The following ROBO2 variants were observed in gnomAD, a reference collection of about 807,000 sequenced individuals.
ROBO2 encodes the protein roundabout guidance receptor 2.
Under a neutral mutation model 160.8 loss-of-function variants are expected in ROBO2, and 53 were observed. The observed-to-expected ratio is 0.33, with a 90% CI of 0.26 to 0.41. The LOEUF is 0.41. ROBO2 is among the 10% of genes least tolerant of loss of function. The pLI, the probability that ROBO2 is intolerant of heterozygous loss-of-function variation, is 1.00. For synonymous variants in ROBO2, 664 were observed against 611.7 expected, an observed-to-expected ratio of 1.09 and a Z score of -1.26; for missense variants, 1,577 against 1,722.4, an observed-to-expected ratio of 0.92 and a Z score of 1.49.
intron 2 of ROBO2, among the ~76,000 whole-genome samples, chr3:76,046,290 G>T (rs1372512975): frequency 6.6e-6 from 1 of 151,956 alleles, no homozygotes; most frequent in Non-Finnish European, 1.5e-5. Context: ...TGGCCTGGAG[G>T]AAACGAAGCC....
intron 2 of ROBO2, among the ~76,000 whole-genome samples, chr3:76,219,742 G>C (rs1301042870): frequency 6.6e-6 from 1 of 152,204 alleles, no homozygotes; most frequent in Non-Finnish European, 1.5e-5. Context: ...CTGTAAACTA[G>C]TTCAACCATT....
chr3:77,622,452 A>T lies in ROBO2; in HGVS notation c.3760+20A>T. On this transcript the variant is annotated intron_variant, in intron 23 of 25. Transcript: ENST00000461745. ...TGACAGGTAACGGAACCAATTTAAT[A>T]GGAAAAACTGACCTATTGGTAACAT... The T allele has an allele frequency of 6.2e-7, 1 of 1,609,416 alleles. No homozygotes were observed. The highest frequency in any genetic ancestry group is 8.5e-7 in the Non-Finnish European group (1 of 1,175,958).
intron 2 of ROBO2, among the ~76,000 whole-genome samples, chr3:76,537,541 C>T (rs1008756633): frequency 1.3e-5 from 2 of 151,982 alleles, no homozygotes; most frequent in Admixed American, 6.6e-5. Context: ...ACCACTTACC[C>T]GATTTGAAAT....
Position 76,185,195 on chromosome 3 carries a change from GATATAT to G in ROBO2, c.109+247609_109+247614del, listed in dbSNP as rs1219580267. Among the ~76,000 whole-genome samples, 27 of 44,526 alleles carry G rather than the reference GATATAT, an allele frequency of 6.1e-4. 3 individuals carry two copies. In the South Asian group the frequency reaches 8.6e-3, roughly 14 times the overall value. 29.2% of individuals were successfully genotyped at this position (44,526 alleles called of 152,430 possible). On this transcript the variant is annotated intron_variant, in intron 2 of 26. Transcript: ENST00000487694. ...TTCTAGGCTTCTATAAGTAAACACA[GATATAT>G]ATATATATATATATACACACACAAA...
At chr3:76,403,834 A>G (rs185063293) in intron 2 of ROBO2, among the ~76,000 whole-genome samples, 1 of 151,736 alleles carries the variant, frequency 6.6e-6, no homozygotes, top group East Asian at 1.9e-4. Flanking sequence ...GCTCTGAGAA[A>G]ATGTATACGC....
At chr3:76,555,425 G>GAGGAAGAA in intron 2 of ROBO2, among the ~76,000 whole-genome samples, 1 of 68,542 alleles carries the variant, frequency 1.5e-5, no homozygotes. Flanking sequence ...AAGAAAGAAG[G>GAGGAAGAA]AGAAGGGGAA....
At chr3:76,179,974 A>G (rs1210853982) in intron 2 of ROBO2, among the ~76,000 whole-genome samples, 1 of 152,274 alleles carries the variant, frequency 6.6e-6, no homozygotes, top group Non-Finnish European at 1.5e-5. Context: ...TATGATAAAA[A>G]TGCTTGGAAG....
exon 13 of ROBO2, chr3:77,568,325 C>A: frequency 6.2e-7 from 1 of 1,612,718 alleles, no homozygotes; most frequent in Non-Finnish European, 8.5e-7. Flanking sequence ...ATCAGCCCAC[C>A]AGCACAAGGA....
At chr3:76,317,885 G>T (rs533001065) in intron 2 of ROBO2, among the ~76,000 whole-genome samples, 1 of 151,828 alleles carries the variant, frequency 6.6e-6, no homozygotes, top group Non-Finnish European at 1.5e-5. Context: ...TGAAAAAAAT[G>T]GTGCTTGAGA....
intron 2 of ROBO2, among the ~76,000 whole-genome samples, chr3:76,264,891 C>A (rs1707003895): frequency 6.6e-6 from 1 of 152,192 alleles, no homozygotes; most frequent in Admixed American, 6.5e-5. Context: ...GTTGCCACCT[C>A]ACTTGCCTTA....
chr3:75,972,220 A>G (rs1200063834), intron 2 of ROBO2, among the ~76,000 whole-genome samples: 2 of 151,732 alleles, frequency 1.3e-5, no homozygotes, highest in African/African-American at 2.4e-5. Context: ...TAAGAGAGTT[A>G]TGAAATATGC....
intron 23 of ROBO2, among the ~76,000 whole-genome samples, chr3:77,624,504 A>G (rs555248912): frequency 6.6e-6 from 1 of 152,270 alleles, no homozygotes; most frequent in Admixed American, 6.5e-5. Context: ...GTAGATGTAT[A>G]TAGAGACTGA....
intron 2 of ROBO2, among the ~76,000 whole-genome samples, chr3:76,898,140 C>T (rs1027093630): frequency 2.6e-5 from 4 of 152,020 alleles, no homozygotes; most frequent in South Asian, 2.1e-4. Flanking sequence ...TGCTTTGGTG[C>T]ACTTTATTAT....
intron 2 of ROBO2, among the ~76,000 whole-genome samples, chr3:76,676,631 G>A (rs771947843): frequency 6.6e-6 from 1 of 151,940 alleles, no homozygotes; most frequent in African/African-American, 2.4e-5. Context: ...TCAGATTTCA[G>A]CCTTCTCTTC....
intron 2 of ROBO2, among the ~76,000 whole-genome samples, chr3:76,568,628 T>A (rs2108574892): frequency 6.6e-6 from 1 of 152,140 alleles, no homozygotes; most frequent in South Asian, 2.1e-4. Flanking sequence ...TTAAAGAAGG[T>A]TTTTATTTCA....
intron 2 of ROBO2, among the ~76,000 whole-genome samples, chr3:77,012,023 G>A (rs902673355): frequency 2.8e-4 from 43 of 151,970 alleles, no homozygotes; most frequent in African/African-American, 9.4e-4. Context: ...ATGTTCATTT[G>A]AATATATTTA....
chr3:76,217,048 T>C (rs928541146), intron 2 of ROBO2, among the ~76,000 whole-genome samples: 36 of 152,240 alleles, frequency 2.4e-4, no homozygotes, highest in Admixed American at 5.9e-4. Flanking sequence ...AACAACCTGC[T>C]CCTGAATGAC....
chr3:77,461,428 G>A (rs1375050593), intron 2 of ROBO2, among the ~76,000 whole-genome samples: 1 of 151,656 alleles, frequency 6.6e-6, no homozygotes, highest in Non-Finnish European at 1.5e-5. Context: ...GTTTAAAGAT[G>A]GAATATAATA....
chr3:76,135,027 G>A (rs1214964745), intron 2 of ROBO2, among the ~76,000 whole-genome samples: 7 of 152,018 alleles, frequency 4.6e-5, no homozygotes, highest in African/African-American at 7.2e-5. Context: ...AGGACCTTAC[G>A]GGGCCAGTGG....
Sources: gnomAD v4.1 joint callset for allele counts (sites outside exome capture counted in the v4.1 genomes callset) on GRCh38, gnomAD v4.1.1 for gene constraint, MANE v1.5 for transcripts, NCBI Gene and HGNC (gene_info 2026-07-23, HGNC 2026-07-21) for gene names.